Variants in PCDH15 observed in about 807,000 individuals in gnomAD.
PCDH15 encodes protocadherin related 15.
A neutral mutation model predicts 178.5 loss-of-function variants in PCDH15; 129 were observed. The ratio of observed to expected loss-of-function variants is 0.72; its 90% confidence interval spans 0.63 to 0.84. PCDH15 has a LOEUF of 0.84. Among genes scored for constraint, PCDH15 ranks in the 40% least tolerant of loss-of-function variants. The pLI is 0.00. For synonymous variants in PCDH15, 800 were observed against 732.0 expected (o/e 1.09, Z -1.50); for missense variants, 2,230 against 2,099.9 (o/e 1.06, Z -1.21).
At chr10:54,419,564 T>G (rs1362946442) in intron 3 of PCDH15, among the ~76,000 whole-genome samples, 2 of 152,080 alleles carry the variant, frequency 1.3e-5, no homozygotes, top group African/African-American at 4.8e-5. Flanking sequence ...GGATTTCTGT[T>G]CCACCTCATG....
chr10:55,069,470 T>G (rs1262985347), intron 2 of PCDH15, among the ~76,000 whole-genome samples: 1 of 125,742 alleles, frequency 8.0e-6, no homozygotes, highest in Admixed American at 9.0e-5. Flanking sequence ...ATGTTCCCCT[T>G]CCTGTGTCCA....
chr10:54,442,487 ATTTTGT>A (rs1195686743), intron 3 of PCDH15, among the ~76,000 whole-genome samples: 6 of 108,546 alleles, frequency 5.5e-5, no homozygotes, highest in African/African-American at 2.0e-4. Context: ...AATAAATACT[ATTTTGT>A]TTTTTTTAAA....
chr10:54,766,304 A>G (rs1375139043), intron 1 of PCDH15, among the ~76,000 whole-genome samples: 2 of 152,162 alleles, frequency 1.3e-5, no homozygotes, highest in African/African-American at 4.8e-5. Flanking sequence ...AGTTGAAAAA[A>G]GTTTCATTTT....
intron 1 of PCDH15, among the ~76,000 whole-genome samples, chr10:55,302,513 A>C (rs139369680): frequency 6.6e-6 from 1 of 152,206 alleles, no homozygotes; most frequent in Non-Finnish European, 1.5e-5. Context: ...CGTATTTTGC[A>C]CCTAGAGTGT....
intron 18 of PCDH15, among the ~76,000 whole-genome samples, chr10:54,026,845 C>A (rs957793520): frequency 6.6e-6 from 1 of 151,998 alleles, no homozygotes; most frequent in Non-Finnish European, 1.5e-5. Flanking sequence ...ACTGAATGGG[C>A]AAAAACTGGA....
intron 2 of PCDH15, among the ~76,000 whole-genome samples, chr10:55,487,800 G>A (rs561818680): frequency 1.8e-4 from 27 of 151,610 alleles, no homozygotes; most frequent in African/African-American, 6.3e-4. Flanking sequence ...GTCTTTTAGA[G>A]TCTGTTCTGT....
chr10:54,353,151 A>G (rs12766319), intron 5 of PCDH15, among the ~76,000 whole-genome samples: 8,190 of 152,206 alleles, frequency 0.054, 252 homozygotes, highest in Admixed American at 0.099. Context: ...TGTTTCTGTG[A>G]CCATTATATT....
At chr10:54,296,144 C>CAA (rs59721161) in intron 8 of PCDH15, among the ~76,000 whole-genome samples, 3,230 of 48,076 alleles carry the variant, frequency 0.067, 295 homozygotes, top group African/African-American at 0.096. Context: ...GACTCCGTCT[C>CAA]AAAAAAAAAA....
At chr10:54,674,099 A>G (rs1409118155) in intron 1 of PCDH15, among the ~76,000 whole-genome samples, 4 of 152,182 alleles carry the variant, frequency 2.6e-5, no homozygotes, top group Non-Finnish European at 4.4e-5. Flanking sequence ...TACTATATCA[A>G]TGCAGAGGCA....
chr10:55,246,313 G>C (rs1841676503), intron 1 of PCDH15, among the ~76,000 whole-genome samples: 1 of 152,100 alleles, frequency 6.6e-6, no homozygotes, highest in African/African-American at 2.4e-5. Flanking sequence ...GATATACATG[G>C]ATATATGAAT....
intron 1 of PCDH15, among the ~76,000 whole-genome samples, chr10:54,795,323 C>T (rs1054641138): frequency 1.3e-5 from 2 of 151,768 alleles, no homozygotes; most frequent in East Asian, 1.9e-4. Context: ...ACCAAGTCAC[C>T]ACCAGGACAA....
At chr10:54,146,380 C>T (rs1244507383) in intron 14 of PCDH15, among the ~76,000 whole-genome samples, 1 of 151,708 alleles carries the variant, frequency 6.6e-6, no homozygotes, top group African/African-American at 2.4e-5. Context: ...TTATTAGAAG[C>T]TATTTGGGGA....
intron 8 of PCDH15, among the ~76,000 whole-genome samples, chr10:54,238,065 A>G (rs2054815240): frequency 6.6e-6 from 1 of 152,158 alleles, no homozygotes; most frequent in South Asian, 2.1e-4. Context: ...GTAATTCTAA[A>G]TGAAATACTT....
chr10:53,811,682 C>A, intron 35 of PCDH15, 63 bp from the exon 36 acceptor site: 1 of 944,058 alleles, frequency 1.1e-6, no homozygotes, highest in Non-Finnish European at 1.6e-6. Flanking sequence ...AGGTCAAAGT[C>A]AGATTTCTAC....
At position 54,936,178 on chromosome 10, in the gene PCDH15, G is replaced by A. The variant is rs142300271; in HGVS notation, c.-79-38678C>T. On this transcript the variant is annotated intron_variant, in intron 2 of 5. Coordinates refer to the PCDH15 transcript ENST00000458638. ...ATATGACTGGTTTCTCTCACTTAGTGTAATATTTTCAATATTTATCCATGT... is the reference window on the plus strand; with the variant it reads ...ATATGACTGGTTTCTCTCACTTAGTATAATATTTTCAATATTTATCCATGT... Among the ~76,000 whole-genome samples the A allele has an allele frequency of 7.8e-3, 1,190 of 151,978 alleles. 10 individuals are homozygous for A. Among genetic ancestry groups the A allele is most frequent in the African/African-American group, 0.027 (1,135 of 41,500 alleles).
At chr10:53,998,159 T>C (rs568947642) in intron 20 of PCDH15, among the ~76,000 whole-genome samples, 1 of 152,226 alleles carries the variant, frequency 6.6e-6, no homozygotes, top group African/African-American at 2.4e-5. Flanking sequence ...CACTAGAGGG[T>C]AGTATTAGCA....
chr10:54,761,107 T>C (rs1947819206), intron 1 of PCDH15, among the ~76,000 whole-genome samples: 1 of 152,098 alleles, frequency 6.6e-6, no homozygotes. Flanking sequence ...TCCTCTACGA[T>C]GGCTTACTTT....
At chr10:54,270,016 T>C (rs1391226010) in intron 8 of PCDH15, among the ~76,000 whole-genome samples, 1 of 152,094 alleles carries the variant, frequency 6.6e-6, no homozygotes, top group African/African-American at 2.4e-5. Context: ...ATGTTGGAAG[T>C]ATTCATTTAT....
intron 2 of PCDH15, among the ~76,000 whole-genome samples, chr10:54,955,262 T>C (rs1479274418): frequency 6.6e-6 from 1 of 151,350 alleles, no homozygotes; most frequent in Admixed American, 6.6e-5. Flanking sequence ...CCACAATTTA[T>C]AGAAATAAGA....
Sources: gnomAD v4.1 joint callset for allele counts (sites outside exome capture counted in the v4.1 genomes callset) on GRCh38, gnomAD v4.1.1 for gene constraint, MANE v1.5 for transcripts, NCBI Gene and HGNC (gene_info 2026-07-23, HGNC 2026-07-21) for gene names.